The following UNC13C variants were observed in gnomAD, a reference collection of about 807,000 sequenced individuals.
The protein encoded by UNC13C is unc-13 homolog C.
Under a neutral mutation model 245.4 loss-of-function variants are expected in UNC13C, and 174 were observed. That is an observed-to-expected ratio of 0.71 (90% CI 0.63 to 0.80). The LOEUF (loss-of-function observed/expected upper bound fraction) is 0.80, where lower values mean the gene tolerates loss of function less well. UNC13C is among the 30% of genes least tolerant of loss of function. The probability of loss-of-function intolerance (pLI) is 0.00; values close to 1 mark genes in which losing one functional copy is unlikely to be tolerated. For synonymous variants in UNC13C, 992 were observed against 895.1 expected (o/e 1.11, Z -1.93); for missense variants, 2,829 against 2,602.9 (o/e 1.09, Z -1.89).
At chr15:54,115,359 C>A (rs2030163897) in intron 2 of UNC13C, among the ~76,000 whole-genome samples, 2 of 152,028 alleles carry the variant, frequency 1.3e-5, no homozygotes, top group Admixed American at 6.5e-5. Flanking sequence ...CCAACATTAT[C>A]AATTGCATCC....
intron 7 of UNC13C, among the ~76,000 whole-genome samples, chr15:54,240,699 C>T (rs1280306561): frequency 2.0e-5 from 3 of 152,138 alleles, no homozygotes; most frequent in African/African-American, 7.2e-5. Context: ...TTGAGAATCT[C>T]AGCTTAATAA....
chr15:54,062,401 G>A (rs902603184), intron 2 of UNC13C, among the ~76,000 whole-genome samples: 8 of 151,334 alleles, frequency 5.3e-5, no homozygotes, highest in Non-Finnish European at 8.8e-5. Context: ...TATAGAGGAT[G>A]ATCCCAGCAC....
intron 6 of UNC13C, among the ~76,000 whole-genome samples, chr15:54,236,870 C>T (rs1488132481): frequency 1.3e-5 from 2 of 152,122 alleles, no homozygotes; most frequent in African/African-American, 4.8e-5. Flanking sequence ...TCCACAATGA[C>T]ATCCCTTTGC....
chr15:54,203,484 G>GTGTGTGTGTATA (rs796426371), intron 4 of UNC13C, among the ~76,000 whole-genome samples: 13 of 139,748 alleles, frequency 9.3e-5, no homozygotes, highest in South Asian at 2.3e-4. Flanking sequence ...ATGTGTGTGT[G>GTGTGTGTGTATA]TATATATATA....
At chr15:54,139,723 G>T (rs575107541) in intron 2 of UNC13C, among the ~76,000 whole-genome samples, 1 of 151,762 alleles carries the variant, frequency 6.6e-6, no homozygotes, top group Non-Finnish European at 1.5e-5. Context: ...TACCATTGTT[G>T]CATTTTAATT....
At chr15:54,541,053 A>C (rs1439245330) in intron 26 of UNC13C, among the ~76,000 whole-genome samples, 1 of 152,008 alleles carries the variant, frequency 6.6e-6, no homozygotes, top group Non-Finnish European at 1.5e-5. Context: ...GGTACCCCTG[A>C]AAAACAGTTT....
At chr15:54,363,582 T>C (rs1028861867) in intron 17 of UNC13C, among the ~76,000 whole-genome samples, 1 of 152,212 alleles carries the variant, frequency 6.6e-6, no homozygotes, top group Non-Finnish European at 1.5e-5. Context: ...CTGGAGGAAA[T>C]GTGGAGCCAC....
At chr15:54,321,332 A>T in intron 13 of UNC13C, 1 of 471,176 alleles carries the variant, frequency 2.1e-6, no homozygotes, top group Non-Finnish European at 4.2e-6. Context: ...GATGTCCTTC[A>T]ATGTCTTCTT....
At chr15:53,915,931 A>T in the UNC13C span, among the ~76,000 whole-genome samples, 40 of 152,206 alleles carry the variant, frequency 2.6e-4, no homozygotes, top group African/African-American at 9.2e-4. Flanking sequence ...ATTGCTCTTT[A>T]GGTTCCTTGT....
At chr15:54,167,602 G>GAAAAAAAAAAAAAAAA (rs35210236) in intron 4 of UNC13C, among the ~76,000 whole-genome samples, 3 of 63,570 alleles carry the variant, frequency 4.7e-5, no homozygotes, top group African/African-American at 6.0e-5. Flanking sequence ...ATCCAAATAG[G>GAAAAAAAAAAAAAAAA]AAAAAAAAAA....
At chr15:54,141,607 TC>T (rs1310046379) in intron 2 of UNC13C, among the ~76,000 whole-genome samples, 1 of 152,130 alleles carries the variant, frequency 6.6e-6, no homozygotes, top group Admixed American at 6.5e-5. Flanking sequence ...ATATATATTT[TC>T]TGGCCAATTG....
intron 25 of UNC13C, among the ~76,000 whole-genome samples, chr15:54,525,871 TC>T (rs1284122869): frequency 3.9e-5 from 6 of 152,148 alleles, no homozygotes; most frequent in African/African-American, 1.4e-4. Flanking sequence ...TATAACACTA[TC>T]CTCAGAGTTT....
intron 19 of UNC13C, among the ~76,000 whole-genome samples, chr15:54,428,448 A>G (rs768825735): frequency 6.6e-6 from 1 of 151,270 alleles, no homozygotes; most frequent in Non-Finnish European, 1.5e-5. Flanking sequence ...CTCTGCTTGG[A>G]CTACTCTTTT....
upstream of UNC13C, among the ~76,000 whole-genome samples, chr15:53,973,984 A>G (rs1893620700): frequency 6.6e-6 from 1 of 152,180 alleles, no homozygotes; most frequent in South Asian, 2.1e-4. Flanking sequence ...TTTGAAGTAG[A>G]CGTTCAAGGC....
In UNC13C at chr15:54,172,703, G is replaced by GATAT. The variant is rs56316345; in HGVS notation, c.3071+29074_3071+29077dup. On this transcript the variant is annotated intron_variant, in intron 4 of 32. Transcript: ENST00000260323. ...TATGACAAAGTCAAATACACACACAGATATATATATATATATATATATATA... is the reference window on the plus strand; with the variant it reads ...TATGACAAAGTCAAATACACACACAGATATATATATATATATATATATATATATA... 2.1e-3 allele frequency among the ~76,000 whole-genome samples: 166 copies of GATAT among 78,216 alleles called. 2 individuals are homozygous for GATAT. The highest frequency in any genetic ancestry group is 2.7e-3 in the Non-Finnish European group (105 of 38,968). 51.3% of individuals were successfully genotyped at this position (78,216 alleles called of 152,430 possible). A position where few individuals can be genotyped will look rare whatever the true frequency, so the allele number is the denominator to read the frequency against.
At chr15:53,841,327 A>T in the UNC13C span, among the ~76,000 whole-genome samples, 3 of 152,120 alleles carry the variant, frequency 2.0e-5, no homozygotes, top group South Asian at 6.2e-4. Context: ...CTCCCAGTGA[A>T]ATAAACTCCC....
chr15:54,596,751 T>C (rs2141264564), intron 30 of UNC13C, among the ~76,000 whole-genome samples: 1 of 152,306 alleles, frequency 6.6e-6, no homozygotes, highest in South Asian at 2.1e-4. Flanking sequence ...TTTATTGCTC[T>C]ATTAGTTCAC....
chr15:54,205,561 A>G (rs2034681495), intron 4 of UNC13C, among the ~76,000 whole-genome samples: 1 of 152,008 alleles, frequency 6.6e-6, no homozygotes, highest in Non-Finnish European at 1.5e-5. Context: ...CATGTTTATT[A>G]TAACCATAGT....
intron 30 of UNC13C, among the ~76,000 whole-genome samples, chr15:54,584,153 G>A (rs1346001361): frequency 6.6e-6 from 1 of 152,132 alleles, no homozygotes; most frequent in African/African-American, 2.4e-5. Flanking sequence ...AGATTGGCTG[G>A]TTTCTGGCCC....
Sources: gnomAD v4.1 joint callset for allele counts (sites outside exome capture counted in the v4.1 genomes callset) on GRCh38, gnomAD v4.1.1 for gene constraint, MANE v1.5 for transcripts, NCBI Gene and HGNC (gene_info 2026-07-23, HGNC 2026-07-21) for gene names.